The following FOXN3 variants were observed in gnomAD, a reference collection of about 807,000 sequenced individuals.
The protein encoded by FOXN3 is forkhead box N3.
FOXN3 carries 7 observed loss-of-function variants against 38.4 expected under a neutral mutation model. The observed-to-expected ratio is 0.18, with a 90% confidence interval of 0.10 to 0.34. The LOEUF is 0.34. FOXN3 is among the 10% of genes least tolerant of loss of function. The probability of loss-of-function intolerance (pLI) is 1.00; values close to 1 mark genes in which losing one functional copy is unlikely to be tolerated. For synonymous variants in FOXN3, 230 were observed against 242.2 expected (o/e 0.95, Z 0.47); for missense variants, 456 against 613.4 (o/e 0.74, Z 2.71).
chr14:89,466,841 C>G (rs907857680), intron 1 of FOXN3, among the ~76,000 whole-genome samples: 1 of 152,192 alleles, frequency 6.6e-6, no homozygotes, highest in Non-Finnish European at 1.5e-5. Flanking sequence ...CACTGATCCC[C>G]TCAGGCCTAC....
chr14:89,524,261 C>G (rs1237226484), intron 1 of FOXN3, among the ~76,000 whole-genome samples: 1 of 145,154 alleles, frequency 6.9e-6, no homozygotes, highest in African/African-American at 2.5e-5. Context: ...GTAGTCCCAG[C>G]TACTCGGGAG....
intron 4 of FOXN3, among the ~76,000 whole-genome samples, chr14:89,229,416 C>T (rs184027064): frequency 7.9e-5 from 12 of 152,150 alleles, no homozygotes; most frequent in African/African-American, 2.9e-4. Flanking sequence ...AGCTCAGCAG[C>T]GAGAACACTC....
At chr14:89,236,317 C>T (rs1487390120) in intron 4 of FOXN3, among the ~76,000 whole-genome samples, 2 of 152,144 alleles carry the variant, frequency 1.3e-5, no homozygotes, top group African/African-American at 4.8e-5. Flanking sequence ...AGATCGAGAC[C>T]ATCCTGGCTA....
intron 2 of FOXN3, among the ~76,000 whole-genome samples, chr14:89,389,884 A>G (rs898444286): frequency 2.0e-5 from 3 of 152,008 alleles, no homozygotes; most frequent in Admixed American, 6.6e-5. Context: ...CAACTACAAA[A>G]TGTCATAAAA....
chr14:89,579,681 G>A (rs1311468569), intron 1 of FOXN3, among the ~76,000 whole-genome samples: 2 of 152,078 alleles, frequency 1.3e-5, no homozygotes, highest in Non-Finnish European at 2.9e-5. Flanking sequence ...TCCCACCTCA[G>A]GACCTTGGCA....
At chr14:89,354,670 C>A (rs548122302) in intron 2 of FOXN3, among the ~76,000 whole-genome samples, 2 of 151,240 alleles carry the variant, frequency 1.3e-5, no homozygotes, top group East Asian at 3.9e-4. Flanking sequence ...GCCTGACTAA[C>A]ATGGTGAAAC....
At chr14:89,325,298 C>A (rs11851630) in intron 3 of FOXN3, among the ~76,000 whole-genome samples, 5,339 of 141,040 alleles carry the variant, frequency 0.038, 367 homozygotes, top group African/African-American at 0.13. Context: ...ACCACCAACA[C>A]CAACACCACC....
intron 1 of FOXN3, among the ~76,000 whole-genome samples, chr14:89,527,358 A>G (rs1894453475): frequency 1.3e-5 from 2 of 152,266 alleles, no homozygotes; most frequent in Non-Finnish European, 2.9e-5. Context: ...AGTGCAATCC[A>G]TAAATGAGAA....
rs59817818 is a variant in FOXN3 at position 89,360,563 on chromosome 14, G to GGA, written c.544-9757_544-9756dup. Among the ~76,000 whole-genome samples the GGA allele has an allele frequency of 1.1e-3, 148 of 139,826 alleles. 1 individual carries two copies. Among genetic ancestry groups the GGA allele is most frequent in the Middle Eastern group, 7.4e-3 (2 of 270 alleles). The allele number at this position is 139,826 out of a possible 152,430, so 91.7% of individuals were successfully genotyped here. ...CAGAGGGAGTGACGGAAGGAGGTGA[G>GGA]GAGAGAGAGAGAGAGAAGAAGAAAG... On this transcript the variant is annotated intron_variant, in intron 2 of 5. Transcript: ENST00000557258.
rs1891951896 is a variant in FOXN3 at position 89,423,167 on chromosome 14, A to T, written c.-14-10677T>A. 4.6e-5 allele frequency among the ~76,000 whole-genome samples: 7 copies of T among 152,304 alleles called. No homozygotes were observed. In the South Asian group the frequency reaches 1.4e-3, roughly 32 times the overall value. ...GAGCATTTATAAAGCAACCACAAAT[A>T]AGCAAACACACACACAGAGTCTAAT... On this transcript the variant is annotated intron_variant, in intron 1 of 6. Transcript: ENST00000345097.
intron 4 of FOXN3, among the ~76,000 whole-genome samples, chr14:89,206,203 G>A (rs890915984): frequency 4.6e-5 from 7 of 152,116 alleles, no homozygotes; most frequent in African/African-American, 1.7e-4. Flanking sequence ...TGGGTAAAAC[G>A]CCCCGTACAT....
rs1397857803 is a variant in FOXN3, at chr14:89,160,851, C to A, written c.*1563G>T. On this transcript the variant is annotated 3_prime_UTR_variant, in exon 6 of 6. Transcript: ENST00000557258. ...CCTGAAGAAGGTTAAACCTTAAACA[C>A]CTGCTTCAAAAAACCAAAACAAAAT... 6.6e-6 allele frequency: 1 copy of A among 151,506 alleles called. No individual in the cohort carries two copies. Among genetic ancestry groups the A allele is most frequent in the Admixed American group, 6.6e-5 (1 of 15,184 alleles). 9.4% of individuals were successfully genotyped at this position (151,506 alleles called of 1,614,324 possible).
Position 89,583,899 on chromosome 14 carries a change from C to G in FOXN3, c.-15+35129G>C, listed in dbSNP as rs541869269. Among the ~76,000 whole-genome samples, 4 of 152,044 alleles carry G rather than the reference C, an allele frequency of 2.6e-5. No individual in the cohort carries two copies. In the South Asian group the frequency reaches 8.3e-4, roughly 32 times the overall value. On this transcript the variant is annotated intron_variant, in intron 1 of 6. Coordinates refer to the FOXN3 transcript ENST00000345097. ...TTAGATGGAGTCTTGCTCTGTCACC[C>G]AGGTTGGAGTGCAGTGGTGTGATCT...
chr14:89,324,544 T>C (rs967607482), intron 3 of FOXN3, among the ~76,000 whole-genome samples: 2 of 149,154 alleles, frequency 1.3e-5, no homozygotes, highest in Non-Finnish European at 3.0e-5. Context: ...CATGAGAAAA[T>C]AACAGCAGAG....
intron 3 of FOXN3, among the ~76,000 whole-genome samples, chr14:89,308,339 G>A (rs1291486679): frequency 6.6e-6 from 1 of 152,220 alleles, no homozygotes; most frequent in Non-Finnish European, 1.5e-5. Flanking sequence ...AATCCTGCAG[G>A]ATGGAATTAG....
intron 4 of FOXN3, among the ~76,000 whole-genome samples, chr14:89,272,130 T>C (rs1455785598): frequency 6.6e-6 from 1 of 152,028 alleles, no homozygotes; most frequent in African/African-American, 2.4e-5. Context: ...ACCAACATGG[T>C]GAAACCCCGT....
intron 2 of FOXN3, among the ~76,000 whole-genome samples, chr14:89,377,312 AAAATAAATAAATAAAT>A (rs34397438): frequency 1.3e-5 from 2 of 149,644 alleles, no homozygotes; most frequent in Non-Finnish European, 3.0e-5. Context: ...ATGCTGGTAA[AAAATAAATAAATAAAT>A]AAATAAATAA....
chr14:89,430,930 T>A (rs1340763033), intron 1 of FOXN3, among the ~76,000 whole-genome samples: 1 of 152,216 alleles, frequency 6.6e-6, no homozygotes, highest in Non-Finnish European at 1.5e-5. Context: ...AAAGGCATGA[T>A]AAATCATGCG....
At chr14:89,411,634 G>A (rs61984700) in intron 2 of FOXN3, among the ~76,000 whole-genome samples, 23,148 of 152,136 alleles carry the variant, frequency 0.15, 1,843 homozygotes, top group East Asian at 0.19. Flanking sequence ...AAACCAAAGT[G>A]ACCCATCCAC....
Sources: gnomAD v4.1 joint callset for allele counts (sites outside exome capture counted in the v4.1 genomes callset) on GRCh38, gnomAD v4.1.1 for gene constraint, MANE v1.5 for transcripts, NCBI Gene and HGNC (gene_info 2026-07-23, HGNC 2026-07-21) for gene names.